The following NOSTRIN variants were observed in gnomAD, a reference collection of about 807,000 sequenced individuals.
NOSTRIN encodes nitric oxide synthase trafficking.
NOSTRIN carries 63 observed loss-of-function variants against 59.0 expected under a neutral mutation model. That is an observed-to-expected ratio of 1.07 (90% CI 0.87 to 1.32). NOSTRIN has a LOEUF of 1.32. Among genes scored for constraint, NOSTRIN ranks in the 40% most tolerant of loss-of-function variants. The probability of loss-of-function intolerance (pLI) is 0.00; values close to 1 mark genes in which losing one functional copy is unlikely to be tolerated. For missense variants in NOSTRIN, 512 were observed against 473.1 expected (o/e 1.08, Z -0.76); for synonymous variants, 200 against 165.4 (o/e 1.21, Z -1.61).
chr2:168,807,745 A>G (rs1180415261), intron 1 of NOSTRIN, among the ~76,000 whole-genome samples: 2 of 152,222 alleles, frequency 1.3e-5, no homozygotes. Context: ...AGGCAAAGCC[A>G]TGGGCCAGTT....
intron 7 of NOSTRIN, among the ~76,000 whole-genome samples, chr2:168,836,732 A>C (rs1687743859): frequency 6.6e-6 from 1 of 152,174 alleles, no homozygotes; most frequent in South Asian, 2.1e-4. Flanking sequence ...TACTGAAGTA[A>C]TAGCATTTAC....
At chr2:168,846,965 T>C (rs1237377892) in intron 8 of NOSTRIN, among the ~76,000 whole-genome samples, 1 of 152,194 alleles carries the variant, frequency 6.6e-6, no homozygotes, top group African/African-American at 2.4e-5. Context: ...ATTTCCTTTC[T>C]ATAAAAGTGT....
intron 10 of NOSTRIN, among the ~76,000 whole-genome samples, chr2:168,851,943 C>A (rs764566541): frequency 1.3e-5 from 2 of 152,180 alleles, no homozygotes; most frequent in Non-Finnish European, 2.9e-5. Context: ...CACTTCCAAG[C>A]TGACTCACAG....
chr2:168,861,468 A>C (rs1360885516), intron 14 of NOSTRIN, among the ~76,000 whole-genome samples: 1 of 151,936 alleles, frequency 6.6e-6, no homozygotes, highest in African/African-American at 2.4e-5. Flanking sequence ...CTAGTTTTTT[A>C]AATTAGAAAT....
intron 8 of NOSTRIN, among the ~76,000 whole-genome samples, chr2:168,843,848 C>T (rs187355016): frequency 7.9e-5 from 12 of 152,198 alleles, no homozygotes; most frequent in South Asian, 2.1e-4. Context: ...AGGCATATAT[C>T]CTACAGAAAA....
At chr2:168,831,291 C>G (rs571330880) in intron 5 of NOSTRIN, among the ~76,000 whole-genome samples, 181 bp from the exon 6 acceptor site, 50 of 152,244 alleles carry the variant, frequency 3.3e-4, no homozygotes, top group African/African-American at 1.1e-3. Flanking sequence ...GGGCACTAAT[C>G]TCATTCATGG....
At chr2:168,802,544 T>C (rs1685648256), upstream of NOSTRIN, 1 of 797,268 alleles carries the variant, frequency 1.3e-6, no homozygotes, top group African/African-American at 1.7e-5. Context: ...TGACGTACTC[T>C]AGGCCCTTTG....
upstream of NOSTRIN, among the ~76,000 whole-genome samples, chr2:168,796,269 G>A (rs558017298): frequency 2.6e-5 from 4 of 152,278 alleles, no homozygotes; most frequent in East Asian, 1.9e-4. Context: ...GTTGGCCTTC[G>A]GAAGACATGT....
chr2:168,828,264 C>A, intron 4 of NOSTRIN, 44 bp downstream of exon 4: 1 of 872,504 alleles, frequency 1.1e-6, no homozygotes, highest in Non-Finnish European at 2.0e-6. Context: ...CAAAGGGAAT[C>A]AAATATTTAA....
chr2:168,858,808 T>C (rs537864942), intron 12 of NOSTRIN, among the ~76,000 whole-genome samples: 11 of 152,104 alleles, frequency 7.2e-5, no homozygotes, highest in Non-Finnish European at 1.6e-4. Context: ...AGAGGGATAA[T>C]GGTGAGGAGG....
chr2:168,797,471 G>A (rs13422562), upstream of NOSTRIN, among the ~76,000 whole-genome samples: 588 of 152,178 alleles, frequency 3.9e-3, 3 homozygotes, highest in African/African-American at 0.013. Context: ...TAGTACAAAG[G>A]CAAGAGTTCA....
intron 8 of NOSTRIN, 55 bp from the exon 9 acceptor site, chr2:168,851,029 A>T (rs1368946413): frequency 2.0e-6 from 2 of 1,015,772 alleles, no homozygotes; most frequent in East Asian, 2.4e-5. Flanking sequence ...TTGATGAGTG[A>T]CTTCCATTTT....
intron 6 of NOSTRIN, among the ~76,000 whole-genome samples, chr2:168,831,904 T>C (rs1355254549): frequency 6.6e-6 from 1 of 152,224 alleles, no homozygotes; most frequent in Admixed American, 6.5e-5. Context: ...GAACCAATGG[T>C]TGTCACAAGT....
chr2:168,794,643 G>A (rs533031737), upstream of NOSTRIN, among the ~76,000 whole-genome samples: 1 of 152,322 alleles, frequency 6.6e-6, no homozygotes, highest in Admixed American at 6.5e-5. Flanking sequence ...GAGCTACCAC[G>A]CCCAGCCCAG....
upstream of NOSTRIN, among the ~76,000 whole-genome samples, chr2:168,793,509 G>T (rs895482165): frequency 1.3e-5 from 2 of 152,192 alleles, no homozygotes; most frequent in African/African-American, 4.8e-5. Flanking sequence ...TGCTTGGAAG[G>T]CTGAGGCGGG....
intron 1 of NOSTRIN, 88 bp downstream of exon 1, chr2:168,802,761 T>C: frequency 2.4e-6 from 2 of 823,964 alleles, no homozygotes; most frequent in South Asian, 2.8e-5. Context: ...TTAAGAAATT[T>C]GAGACACTCA....
upstream of NOSTRIN, chr2:168,802,367 GT>G (rs1305538656): frequency 6.4e-5 from 26 of 403,920 alleles, no homozygotes; most frequent in Non-Finnish European, 1.2e-4. Context: ...TTCTCTCAAT[GT>G]TACGCTGTTC....
intron 12 of NOSTRIN, among the ~76,000 whole-genome samples, chr2:168,858,593 T>G (rs1271807146): frequency 6.6e-6 from 1 of 152,198 alleles, no homozygotes; most frequent in Non-Finnish European, 1.5e-5. Context: ...CTAGATGTGC[T>G]CTATGAGACT....
At chr2:168,827,070 G>A (rs1450153582) in intron 3 of NOSTRIN, among the ~76,000 whole-genome samples, 1 of 152,190 alleles carries the variant, frequency 6.6e-6, no homozygotes, top group East Asian at 1.9e-4. Flanking sequence ...TAGACTGCAG[G>A]ATGCAAACTA....
Sources: allele counts gnomAD v4.1 joint callset (sites outside exome capture counted in the v4.1 genomes callset), GRCh38; gene constraint gnomAD v4.1.1; transcripts MANE v1.5; gene names NCBI Gene and HGNC (gene_info 2026-07-23, HGNC 2026-07-21).